The following DOK7 variants were observed in gnomAD, a reference collection of about 807,000 sequenced individuals.
DOK7 encodes the protein protein Dok-7.
DOK7 carries 32 observed loss-of-function variants against 30.7 expected under a neutral mutation model. The observed-to-expected ratio is 1.04, with a 90% CI of 0.79 to 1.40. The LOEUF (loss-of-function observed/expected upper bound fraction) is 1.40. DOK7 is among the 40% of genes most tolerant of loss of function. DOK7 has a pLI of 0.00. For synonymous variants in DOK7, 447 were observed against 324.1 expected, an observed-to-expected ratio of 1.38 and a Z score of -4.07; for missense variants, 1,007 against 699.2, an observed-to-expected ratio of 1.44 and a Z score of -4.97.
At chr4:3,464,627 GC>G (rs1196269648) in intron 2 of DOK7, among the ~76,000 whole-genome samples, 7 of 152,228 alleles carry the variant, frequency 4.6e-5, no homozygotes, top group Admixed American at 3.3e-4. Flanking sequence ...CTGGGTCGGG[GC>G]CGTGGTGGGG....
At chr4:3,491,184 CCCCCCTGCTCATTCCTT>C (rs144844994) in intron 6 of DOK7, among the ~76,000 whole-genome samples, 46,180 of 77,696 alleles carry the variant, frequency 0.59, 12,553 homozygotes, top group East Asian at 0.88. Flanking sequence ...TTCATTCCTT[CCCCCCTGCTCATTCCTT>C]CCCCCCTGCT....
chr4:3,469,223 G>A (rs1055969748), intron 2 of DOK7, among the ~76,000 whole-genome samples: 7 of 152,020 alleles, frequency 4.6e-5, no homozygotes, highest in African/African-American at 1.7e-4. Context: ...CTGTGTGAGT[G>A]TGCGTGTGTG....
At chr4:3,478,864 G>A (rs1383687445) in intron 4 of DOK7, among the ~76,000 whole-genome samples, 7 of 152,158 alleles carry the variant, frequency 4.6e-5, no homozygotes, top group Non-Finnish European at 8.8e-5. Flanking sequence ...TCGGCCAAGC[G>A]GTGGTGTTCT....
At chr4:3,488,209 C>T (rs751412378) in intron 5 of DOK7, among the ~76,000 whole-genome samples, 3 of 152,240 alleles carry the variant, frequency 2.0e-5, no homozygotes, top group Non-Finnish European at 4.4e-5. Context: ...CTGACCGGGG[C>T]AGTGCCTTGG....
At chr4:3,481,885 A>G (rs1436620060) in intron 4 of DOK7, among the ~76,000 whole-genome samples, 1 of 152,068 alleles carries the variant, frequency 6.6e-6, no homozygotes, top group African/African-American at 2.4e-5. Context: ...TTTTCACTGG[A>G]GACGTGTTTC....
intron 2 of DOK7, among the ~76,000 whole-genome samples, chr4:3,469,051 T>TG: frequency 8.2e-6 from 1 of 121,438 alleles, no homozygotes; most frequent in South Asian, 2.6e-4. Context: ...TGTGCATGTC[T>TG]GTGTGTGCAT....
intron 5 of DOK7, among the ~76,000 whole-genome samples, chr4:3,487,825 G>C (rs1436351270): frequency 6.6e-6 from 1 of 152,246 alleles, no homozygotes; most frequent in Non-Finnish European, 1.5e-5. Context: ...CATTGGCTTT[G>C]AGGGTGGCCC....
intron 7 of DOK7, chr4:3,500,417 C>T (rs1354335397): frequency 7.8e-6 from 12 of 1,535,348 alleles, no homozygotes; most frequent in African/African-American, 1.4e-5. Context: ...GGTCCCCGCC[C>T]TGCGTGGAGG....
At chr4:3,487,704 G>A (rs1267378400) in intron 5 of DOK7, among the ~76,000 whole-genome samples, 2 of 152,208 alleles carry the variant, frequency 1.3e-5, no homozygotes, top group Non-Finnish European at 2.9e-5. Context: ...GCTGGGAGTC[G>A]ATCCGTGTCT....
chr4:3,465,260 C>T (rs1021635939), intron 2 of DOK7, among the ~76,000 whole-genome samples: 13 of 152,202 alleles, frequency 8.5e-5, no homozygotes, highest in Non-Finnish European at 1.6e-4. Context: ...CCAGGCCAGC[C>T]TGGCACCTCC....
chr4:3,485,757 T>C (rs1269819209), intron 5 of DOK7, 99 bp downstream of exon 5: 11 of 1,345,054 alleles, frequency 8.2e-6, no homozygotes, highest in Admixed American at 7.1e-5. Flanking sequence ...CCCAGTTAGA[T>C]GGCCAGCCTC....
At chr4:3,496,559 C>T (rs917795869), downstream of DOK7, among the ~76,000 whole-genome samples, 1 of 152,234 alleles carries the variant, frequency 6.6e-6, no homozygotes, top group Non-Finnish European at 1.5e-5. Flanking sequence ...CCGAGGCCTC[C>T]AGCTCCCCCA....
intron 2 of DOK7, among the ~76,000 whole-genome samples, chr4:3,469,010 ATGAGTGTG>A (rs1259521475): frequency 0.013 from 1,761 of 132,422 alleles, 23 homozygotes; most frequent in African/African-American, 0.047. Context: ...GTGTGCGTGT[ATGAGTGTG>A]TGTGCCTGTG....
chr4:3,475,404 G>A (rs1177376109), intron 3 of DOK7, among the ~76,000 whole-genome samples: 1 of 152,194 alleles, frequency 6.6e-6, no homozygotes, highest in African/African-American at 2.4e-5. Context: ...GATGGGAACA[G>A]GGGTCCCTTT....
chr4:3,478,761 A>T (rs1727271030), intron 4 of DOK7, among the ~76,000 whole-genome samples: 1 of 152,034 alleles, frequency 6.6e-6, no homozygotes, highest in African/African-American at 2.4e-5. Context: ...TGGCCGAGCC[A>T]CCCATCCCTG....
rs200094046 is a variant in DOK7 at position 3,500,054 on chromosome 4, GT to G, written c.1109-196del. Among the ~76,000 whole-genome samples, 601 of 100,206 alleles carry G rather than the reference GT, an allele frequency of 6.0e-3. 7 individuals are homozygous for G. Among genetic ancestry groups the G allele is most frequent in the African/African-American group, 0.017 (579 of 33,574 alleles). The allele number at this position is 100,206 out of a possible 152,430, so 65.7% of individuals were successfully genotyped here. A position where few individuals can be genotyped will look rare whatever the true frequency, so the allele number is the denominator to read the frequency against. ...GGTACTTGGACCAGGAGTGGACAGTGTGGGGGGGGCCTCAGGATGGGGCAGC... is the reference window on the plus strand; with the variant it reads ...GGTACTTGGACCAGGAGTGGACAGTGGGGGGGGGCCTCAGGATGGGGCAGC... On this transcript the variant is annotated intron_variant, in intron 6 of 7. Coordinates refer to the DOK7 transcript ENST00000643608.
Position 3,493,991 on chromosome 4 carries a change from A to G in DOK7, c.*490A>G, listed in dbSNP as rs1411355079. 29 of 973,256 alleles carry G rather than the reference A, an allele frequency of 3.0e-5. No individual in the cohort carries two copies. The highest frequency in any genetic ancestry group is 3.8e-5 in the African/African-American group (2 of 52,012). The allele number at this position is 973,256 out of a possible 1,614,324, so 60.3% of individuals were successfully genotyped here. ...CCGGCCACCTGGGCTCCACCAGCCC[A>G]GCCCCCCTGGGCTCCGTGTGCGCTG... On this transcript the variant is annotated 3_prime_UTR_variant, in exon 7 of 7. Transcript: ENST00000340083.
At chr4:3,494,756 C>T (rs1210058877), downstream of DOK7, among the ~76,000 whole-genome samples, 2 of 152,184 alleles carry the variant, frequency 1.3e-5, no homozygotes, top group African/African-American at 4.8e-5. Context: ...GTGGGGTCTG[C>T]AGTAGTCCCT....
chr4:3,481,330 G>A (rs73793938), intron 4 of DOK7, among the ~76,000 whole-genome samples: 13,561 of 152,134 alleles, frequency 0.089, 1,410 homozygotes, highest in African/African-American at 0.25. Flanking sequence ...AGAAGATGGA[G>A]GGCGAGGCTG....
Sources: allele counts gnomAD v4.1 joint callset (sites outside exome capture counted in the v4.1 genomes callset), GRCh38; gene constraint gnomAD v4.1.1; transcripts MANE v1.5; gene names NCBI Gene and HGNC (gene_info 2026-07-23, HGNC 2026-07-21).